The following RIPK3 variants were observed in gnomAD, a reference collection of about 807,000 sequenced individuals.
The protein encoded by RIPK3 is receptor-interacting serine/threonine-protein kinase 3.
A neutral mutation model predicts 51.6 loss-of-function variants in RIPK3; 51 were observed. That is an observed-to-expected ratio of 0.99 (90% confidence interval 0.79 to 1.25). The LOEUF is 1.25. Ranked by LOEUF, RIPK3 falls within the 50% of genes most tolerant of loss-of-function variation. The probability of loss-of-function intolerance (pLI) is 0.00; values close to 1 mark genes in which losing one functional copy is unlikely to be tolerated. For missense variants in RIPK3, 654 were observed against 650.4 expected (o/e 1.01, Z -0.06); for synonymous variants, 246 against 257.7 (o/e 0.95, Z 0.44).
At position 24,339,928 on chromosome 14, in the gene RIPK3, T is replaced by TGTGCAG. The variant is rs1491366133; in HGVS notation, c.-108_-103dup. The TGTGCAG allele has an allele frequency of 4.5e-5, 57 of 1,273,268 alleles. No individual in the cohort carries two copies. In the African/African-American group the frequency reaches 7.0e-4, roughly 16 times the overall value. The allele number at this position is 1,273,268 out of a possible 1,614,324, so 78.9% of individuals were successfully genotyped here. On this transcript the variant is annotated 5_prime_UTR_variant, in exon 1 of 10. Coordinates refer to ENST00000216274, the MANE Select transcript of RIPK3 (RefSeq NM_006871.4). This position sits in a 1 kb window ranked among gnomAD's most constrained non-coding sequence, Gnocchi z 4.0. Reference sequence around the variant, plus strand: ...TCGCAGAGAGGGGAAGGGGTCTGTCTGTGCAGGGGTCAGTCTCTAGACCAA... The same window carrying TGTGCAG: ...TCGCAGAGAGGGGAAGGGGTCTGTCTGTGCAGGTGCAGGGGTCAGTCTCTAGACCAA...
intron 5 of RIPK3, 77 bp from the exon 6 acceptor site, chr14:24,338,117 C>T: frequency 6.2e-7 from 1 of 1,607,420 alleles, no homozygotes; most frequent in Admixed American, 1.7e-5. Flanking sequence ...TGGAAAGAGG[C>T]AGGGAGTGTA....
In RIPK3 at chr14:24,336,958, C is replaced by T; in HGVS notation, c.1276-13G>A. 1 of 1,613,122 alleles carries T rather than the reference C, an allele frequency of 6.2e-7. No homozygotes were observed. Among genetic ancestry groups the T allele is most frequent in the Non-Finnish European group, 8.5e-7 (1 of 1,179,322 alleles). On this transcript the variant is annotated splice_polypyrimidine_tract_variant and intron_variant, in intron 8 of 9. Transcript: ENST00000216274. Reference sequence around the variant, plus strand: ...GTCTCTCAGCCCCCTGCAAACAGCACAGAGCATCCAGTTCTGCCCTGGAGC... The same window carrying T: ...GTCTCTCAGCCCCCTGCAAACAGCATAGAGCATCCAGTTCTGCCCTGGAGC...
At chr14:24,336,775 T>A (rs781771064) in intron 9 of RIPK3, 110 bp downstream of exon 9, 1 of 1,029,580 alleles carries the variant, frequency 9.7e-7, no homozygotes, top group East Asian at 2.4e-5. Context: ...TTGAGTTAGA[T>A]CATCTTCTCC....
intron 3 of RIPK3, 66 bp downstream of exon 3, chr14:24,338,949 G>A (rs552705604): frequency 9.2e-6 from 12 of 1,298,638 alleles, no homozygotes; most frequent in African/African-American, 1.5e-5. Context: ...TCTAGTGTCC[G>A]GCGGGCCTGG....
At chr14:24,338,321 C>T (rs745580534) in intron 4 of RIPK3, 26 bp from the exon 5 acceptor site, 16 of 1,530,712 alleles carry the variant, frequency 1.0e-5, no homozygotes, top group East Asian at 6.8e-5. Context: ...AGCTGAGGAT[C>T]GGTCCAATCA....
rs1257576291 is a variant in RIPK3, at chr14:24,339,848, G to T, written c.-22C>A. 6 of 1,550,628 alleles carry T rather than the reference G, an allele frequency of 3.9e-6. No homozygotes were observed. The highest frequency in any genetic ancestry group is 4.3e-6 in the Non-Finnish European group (5 of 1,153,392). ...ACATCAGGCTGGAAGGTGCCAGGGG[G>T]CCTCTGGAAATTGCGAGCCGTAGGA... is the stretch of plus-strand genomic sequence containing the variant. On this transcript the variant is annotated 5_prime_UTR_variant, in exon 1 of 10. Coordinates refer to ENST00000216274, the MANE Select transcript of RIPK3 (RefSeq NM_006871.4). The surrounding 1 kb of genome is among the most constrained non-coding windows in gnomAD (Gnocchi z 4.0).
At position 24,336,609 on chromosome 14, in the gene RIPK3, TC is replaced by T. The variant is rs1271378379; in HGVS notation, c.1337-215del. ...GACCCTGATCTTTTTTGCTGGGAGG[TC>T]CTCTGGACTGCTGAAACAATGGAAC... On this transcript the variant is annotated intron_variant, in intron 9 of 9. Coordinates refer to ENST00000216274, the MANE Select transcript of RIPK3 (RefSeq NM_006871.4). 18 of 712,218 alleles carry T rather than the reference TC, an allele frequency of 2.5e-5. No individual in the cohort carries two copies. The East Asian group carries it at 4.9e-4, about 19-fold the overall frequency. The allele number at this position is 712,218 out of a possible 1,614,324, so 44.1% of individuals were successfully genotyped here. A position where few individuals can be genotyped will look rare whatever the true frequency, so the allele number is the denominator to read the frequency against.
chr14:24,338,256 T>C lies in RIPK3; in HGVS notation c.657A>G (p.Glu219=). 1 of 1,523,652 alleles carries C rather than the reference T, an allele frequency of 6.6e-7. No individual in the cohort carries two copies. 94.4% of individuals were successfully genotyped at this position (1,523,652 alleles called of 1,614,324 possible). ...ATCCTCCTAGAGTCTTACACTCAAC[T>C]TCTCTTCCAGCAAGCACTGCCCACA... ...ILMWAVLAGR[E]VELPTEPSLV... The change falls in exon 5 of 10, where the codon GAA becomes GAG. Residue 219 remains glutamate, a synonymous_variant. Coordinates refer to ENST00000216274, the MANE Select transcript of RIPK3 (RefSeq NM_006871.4).
At position 24,338,410 on chromosome 14, in the gene RIPK3, C is replaced by CG; in HGVS notation, c.617+11dup. ...AGGAATCCTGGCTGTGTGTTTGGGCCGGGATCCTTACCTGTAGACGTCACT... is the reference window on the plus strand; with the variant it reads ...AGGAATCCTGGCTGTGTGTTTGGGCCGGGGATCCTTACCTGTAGACGTCACT... On this transcript the variant is annotated intron_variant, in intron 4 of 9. Coordinates refer to ENST00000216274, the MANE Select transcript of RIPK3 (RefSeq NM_006871.4). 3 of 1,604,230 alleles carry CG rather than the reference C, an allele frequency of 1.9e-6. No individual in the cohort carries two copies. In the South Asian group the frequency reaches 3.3e-5, roughly 18 times the overall value.
Position 24,339,868 on chromosome 14 carries a change from G to T in RIPK3, c.-42C>A. On this transcript the variant is annotated 5_prime_UTR_variant, in exon 1 of 10. Coordinates refer to ENST00000216274, the MANE Select transcript of RIPK3 (RefSeq NM_006871.4). This position sits in a 1 kb window ranked among gnomAD's most constrained non-coding sequence, Gnocchi z 4.0. ...AGGGGGCCTCTGGAAATTGCGAGCC[G>T]TAGGAGATGGAGTGACTTCTGGGGC... is the stretch of plus-strand genomic sequence containing the variant. 1.9e-6 allele frequency: 3 copies of T among 1,542,082 alleles called. No individual in the cohort carries two copies. The highest frequency in any genetic ancestry group is 2.6e-6 in the Non-Finnish European group (3 of 1,148,754).
rs372495373 is a variant in RIPK3, at chr14:24,339,296, T to C, written c.190A>G (p.Met64Val). The C allele has an allele frequency of 1.1e-5, 18 of 1,613,122 alleles. No homozygotes were observed. Among genetic ancestry groups the C allele is most frequent in the Middle Eastern group, 3.3e-4 (2 of 6,080 alleles). The change falls in exon 3 of 10, where the codon ATG becomes GTG. Residue 64 changes from methionine to valine, a missense_variant. Met to Val is a conservative substitution (Grantham distance 21). Transcript: ENST00000216274. This position sits in a 1 kb window ranked among gnomAD's most constrained non-coding sequence, Gnocchi z 4.0. The part of the protein sequence containing the change: ...SKAISREVKA[M>V]ASLDNEFVLR... The stretch of plus-strand genomic sequence containing the variant: ...ACGAATTCGTTATCCAGACTTGCCA[T>C]GGCCTTGACCTCCCTGGATATCGCC...
chr14:24,338,438 C>T lies in RIPK3; in HGVS notation c.601G>A (p.Ala201Thr). 1.2e-6 allele frequency: 2 copies of T among 1,613,050 alleles called. No individual in the cohort carries two copies. Among genetic ancestry groups the T allele is most frequent in the Non-Finnish European group, 1.7e-6 (2 of 1,179,174 alleles). The change falls in exon 4 of 10, where the codon GCC becomes ACC. Residue 201 changes from alanine (A) to threonine (T), a missense_variant. By Grantham distance (58) the Ala-to-Thr change is moderately conservative. Coordinates refer to ENST00000216274, the MANE Select transcript of RIPK3 (RefSeq NM_006871.4). ...GATCCTTACCTGTAGACGTCACTGG[C>T]TGTGGAGGCCTTCCGGTTTACGTTA... Reference protein sequence around the residue: ...FVNVNRKASTASDVYSFGILM... With the variant: ...FVNVNRKASTTSDVYSFGILM...
At chr14:24,338,906 G>C (rs1389563721) in intron 3 of RIPK3, 109 bp downstream of exon 3, 7 of 915,858 alleles carry the variant, frequency 7.6e-6, no homozygotes, top group Non-Finnish European at 1.2e-5. Flanking sequence ...AGAGAGAGAG[G>C]CTACGCCTAT....
In RIPK3 at chr14:24,336,875, G is replaced by A; in HGVS notation, c.1336+10C>T. 3.7e-6 allele frequency: 6 copies of A among 1,608,618 alleles called. No individual in the cohort carries two copies. Among genetic ancestry groups the A allele is most frequent in the Non-Finnish European group, 5.1e-6 (6 of 1,174,914 alleles). ...TGAACAGGGAAAAGAAAGAGGTAGA[G>A]AATGGGTACCTGTTACTGGATTTGG... On this transcript the variant is annotated intron_variant, in intron 9 of 9. Coordinates refer to ENST00000216274, the MANE Select transcript of RIPK3 (RefSeq NM_006871.4).
Position 24,339,841 on chromosome 14 carries a change from C to T in RIPK3, c.-15G>A, listed in dbSNP as rs752271011. On this transcript the variant is annotated 5_prime_UTR_variant, in exon 1 of 10. Transcript: ENST00000216274. This position sits in a 1 kb window ranked among gnomAD's most constrained non-coding sequence, Gnocchi z 4.0. ...ACGCACGACATCAGGCTGGAAGGTG[C>T]CAGGGGGCCTCTGGAAATTGCGAGC... 4.5e-6 allele frequency: 7 copies of T among 1,554,992 alleles called. No homozygotes were observed. The South Asian group carries it at 4.9e-5, about 11-fold the overall frequency.
At chr14:24,338,680 G>A in intron 3 of RIPK3, 113 bp from the exon 4 acceptor site, 1 of 1,429,604 alleles carries the variant, frequency 7.0e-7, no homozygotes, top group Non-Finnish European at 9.4e-7. Flanking sequence ...GGAGTGTGGA[G>A]GTCAAGGGAA....
Position 24,337,378 on chromosome 14 carries a change from T to C in RIPK3, c.983A>G (p.Asp328Gly), listed in dbSNP as rs1265581083. Residue 328 changes from aspartate to glycine, a missense_variant, in exon 8 of 10, where the codon GAT becomes GGT. Physicochemically the swap from Asp to Gly is moderately conservative, Grantham distance 94. Transcript: ENST00000216274. ...GTTTTCTATGGTTCTCCTAAAGCCA[T>C]CCATTTCTGTCCCTCCTTGGCCTGA... ...PESGQGGTEM[D>G]GFRRTIENQH... is the part of the protein sequence containing the mutation. 28 of 1,613,998 alleles carry C rather than the reference T, an allele frequency of 1.7e-5. No homozygotes were observed. Among genetic ancestry groups the C allele is most frequent in the Admixed American group, 3.3e-5 (2 of 60,012 alleles).
chr14:24,337,013 C>T, intron 8 of RIPK3, 68 bp from the exon 9 acceptor site: 1 of 1,605,678 alleles, frequency 6.2e-7, no homozygotes, highest in Non-Finnish European at 8.5e-7. Flanking sequence ...CCTCTCAGCC[C>T]CAAGTTTTCG....
rs2042171721 is a variant in RIPK3, at chr14:24,339,720, G to T, written c.20+87C>A. ...CCCTCGCCGGCCCCCACCGTCCCCG[G>T]ACTCAAAGACGTTCTCTGAGCGAGT... On this transcript the variant is annotated intron_variant, in intron 1 of 9. Coordinates refer to ENST00000216274, the MANE Select transcript of RIPK3 (RefSeq NM_006871.4). This position sits in a 1 kb window ranked among gnomAD's most constrained non-coding sequence, Gnocchi z 4.0. 2.5e-6 allele frequency: 4 copies of T among 1,572,354 alleles called. No individual in the cohort carries two copies. The highest frequency in any genetic ancestry group is 3.5e-6 in the Non-Finnish European group (4 of 1,157,192).
Sources: allele counts gnomAD v4.1 joint callset, GRCh38; gene constraint gnomAD v4.1.1; non-coding constraint Gnocchi (gnomAD v3.1); transcripts MANE v1.5; gene names NCBI Gene and HGNC (gene_info 2026-07-23, HGNC 2026-07-21).